KATNAL1: variants seen among roughly 807,000 people sequenced by gnomAD.
The protein encoded by KATNAL1 is katanin catalytic subunit A1 like 1, also known as katanin p60 ATPase-containing subunit A-like 1.
In KATNAL1, 32 loss-of-function variants were observed where a neutral mutation model predicts 55.2. The observed-to-expected ratio is 0.58, with a 90% CI of 0.44 to 0.78. KATNAL1 has a LOEUF of 0.78. Among genes scored for constraint, KATNAL1 ranks in the 30% least tolerant of loss-of-function variants. KATNAL1 has a pLI of 0.00. For missense variants in KATNAL1, 466 were observed against 600.9 expected, an observed-to-expected ratio of 0.78 and a Z score of 2.35; for synonymous variants, 193 against 193.6, an observed-to-expected ratio of 1.00 and a Z score of 0.02.
At chr13:30,302,969 A>G (rs527673840) in intron 1 of KATNAL1, among the ~76,000 whole-genome samples, 2 of 152,378 alleles carry the variant, frequency 1.3e-5, no homozygotes, top group East Asian at 3.9e-4. Context: ...ATTCTTTACA[A>G]AATGCAAAAC....
At chr13:30,265,609 C>G (rs1038989412) in intron 3 of KATNAL1, among the ~76,000 whole-genome samples, 2 of 151,524 alleles carry the variant, frequency 1.3e-5, no homozygotes, top group African/African-American at 4.8e-5. Context: ...TTTAACTATG[C>G]AAAAAATAAG....
chr13:30,247,114 G>A (rs971419572), intron 4 of KATNAL1, among the ~76,000 whole-genome samples: 1 of 152,056 alleles, frequency 6.6e-6, no homozygotes, highest in Admixed American at 6.6e-5. Context: ...AATTGCCCAA[G>A]GACACGCAGC....
chr13:30,210,173 A>G (rs112866549), intron 10 of KATNAL1, 143 bp downstream of exon 10: 3 of 517,860 alleles, frequency 5.8e-6, no homozygotes, highest in Non-Finnish European at 9.4e-6. Flanking sequence ...GTAAAAAAAA[A>G]GGGACAAATG....
rs751450077 is a variant in KATNAL1 at position 30,299,599 on chromosome 13, G to C, written c.-15+7732C>G. Among the ~76,000 whole-genome samples the C allele has an allele frequency of 1.8e-4, 28 of 152,128 alleles. 1 individual carries two copies. Among genetic ancestry groups the C allele is most frequent in the Middle Eastern group, 3.4e-3 (1 of 294 alleles). On this transcript the variant is annotated intron_variant, in intron 1 of 10. Transcript: ENST00000380615. Reference sequence around the variant, plus strand: ...TAATATAAATTAGAAGAATTTCTAGGTCTTTTTAAAATGTCAGGTTAAATC... The same window carrying C: ...TAATATAAATTAGAAGAATTTCTAGCTCTTTTTAAAATGTCAGGTTAAATC...
chr13:30,293,138 T>A (rs1321433973), intron 1 of KATNAL1, among the ~76,000 whole-genome samples: 1 of 151,778 alleles, frequency 6.6e-6, no homozygotes, highest in Non-Finnish European at 1.5e-5. Flanking sequence ...TTTCTTTCCA[T>A]TTTTTTTCTG....
intron 9 of KATNAL1, among the ~76,000 whole-genome samples, chr13:30,223,395 T>C (rs1419938505): frequency 8.3e-5 from 10 of 120,912 alleles, no homozygotes; most frequent in African/African-American, 3.3e-4. Context: ...TGAGCCCAGA[T>C]CCTGCCACTG....
chr13:30,226,122 A>C (rs748029487), intron 9 of KATNAL1, among the ~76,000 whole-genome samples: 3 of 152,258 alleles, frequency 2.0e-5, no homozygotes, highest in South Asian at 2.1e-4. Flanking sequence ...AATAGTGACA[A>C]CACCACATGT....
chr13:30,263,446 G>A (rs1229327880), intron 3 of KATNAL1, among the ~76,000 whole-genome samples: 7 of 150,896 alleles, frequency 4.6e-5, no homozygotes, highest in African/African-American at 9.8e-5. Context: ...GTTTGCAGAC[G>A]ACATGATTGT....
intron 3 of KATNAL1, among the ~76,000 whole-genome samples, chr13:30,275,311 A>G (rs976253107): frequency 6.6e-6 from 1 of 152,168 alleles, no homozygotes; most frequent in African/African-American, 2.4e-5. Flanking sequence ...GCACTCTTGT[A>G]AACAATCAGA....
chr13:30,296,746 G>A (rs1237593968), intron 1 of KATNAL1: 8 of 511,566 alleles, frequency 1.6e-5, no homozygotes, highest in Admixed American at 1.5e-4. Flanking sequence ...GCTGGCCAAT[G>A]GATAGTGAGC....
chr13:30,283,563 G>C, intron 2 of KATNAL1, 53 bp downstream of exon 2: 1 of 1,551,980 alleles, frequency 6.4e-7, no homozygotes, highest in African/African-American at 1.4e-5. Flanking sequence ...AATCTCTCAA[G>C]TATAATAGGG....
intron 3 of KATNAL1, among the ~76,000 whole-genome samples, chr13:30,261,784 C>G (rs1879305632): frequency 6.6e-6 from 1 of 152,074 alleles, no homozygotes; most frequent in Non-Finnish European, 1.5e-5. Flanking sequence ...CTTTAACACC[C>G]CACTGTCAAC....
chr13:30,238,343 T>G (rs544046031), intron 6 of KATNAL1, among the ~76,000 whole-genome samples: 7 of 152,322 alleles, frequency 4.6e-5, no homozygotes, highest in African/African-American at 1.7e-4. Flanking sequence ...GTCATGGAGA[T>G]GTTTCATAAC....
chr13:30,208,868 C>G (rs1873397475), intron 10 of KATNAL1, 130 bp from the exon 11 acceptor site: 1 of 664,178 alleles, frequency 1.5e-6, no homozygotes, highest in African/African-American at 1.8e-5. Context: ...TTAGAATTTT[C>G]CACTTAAGAA....
At chr13:30,280,283 A>G in intron 2 of KATNAL1, 60 bp from the exon 3 acceptor site, 2 of 1,354,312 alleles carry the variant, frequency 1.5e-6, no homozygotes, top group Non-Finnish European at 2.0e-6. Context: ...TAAATTGTAA[A>G]TAATAAATTA....
chr13:30,210,957 G>A (rs1873637944), intron 9 of KATNAL1, among the ~76,000 whole-genome samples: 1 of 152,134 alleles, frequency 6.6e-6, no homozygotes, highest in African/African-American at 2.4e-5. Context: ...GCTCATTAAT[G>A]TATTTTTTAC....
intron 1 of KATNAL1, among the ~76,000 whole-genome samples, chr13:30,292,555 G>C (rs1882202884): frequency 6.6e-6 from 1 of 152,098 alleles, no homozygotes; most frequent in African/African-American, 2.4e-5. Context: ...ATCTTCCAAG[G>C]CTGTAAGCAA....
At chr13:30,258,678 AC>A (rs201938678) in intron 3 of KATNAL1, among the ~76,000 whole-genome samples, 3,248 of 152,190 alleles carry the variant, frequency 0.021, 46 homozygotes, top group Non-Finnish European at 0.033. Context: ...TAGAAGTTTT[AC>A]TTTATTACTT....
At chr13:30,274,263 A>G (rs781423980) in intron 3 of KATNAL1, among the ~76,000 whole-genome samples, 1 of 152,226 alleles carries the variant, frequency 6.6e-6, no homozygotes, top group Admixed American at 6.5e-5. Flanking sequence ...TTTATTCTCT[A>G]TCAGTACTTG....
Sources: allele counts gnomAD v4.1 joint callset (sites outside exome capture counted in the v4.1 genomes callset), GRCh38; gene constraint gnomAD v4.1.1; transcripts MANE v1.5; gene names NCBI Gene and HGNC (gene_info 2026-07-23, HGNC 2026-07-21).